The following CDKL5 variants were observed in gnomAD, a reference collection of about 807,000 sequenced individuals.
CDKL5 encodes cyclin-dependent kinase-like 5.
CDKL5 carries 8 observed loss-of-function variants against 61.7 expected under a neutral mutation model. The observed-to-expected ratio is 0.13, with a 90% CI of 0.08 to 0.23. The LOEUF (loss-of-function observed/expected upper bound fraction) is 0.23, where lower values mean the gene tolerates loss of function less well. CDKL5 is among the 10% of genes least tolerant of loss of function. CDKL5 has a pLI of 1.00. For missense variants in CDKL5, 440 were observed against 734.5 expected (o/e 0.60, Z 4.63); for synonymous variants, 275 against 272.3 (o/e 1.01, Z -0.10).
At position 18,628,609 on chromosome X, in the gene CDKL5, A is replaced by G; in HGVS notation, c.2735A>G (p.His912Arg). ...QLPGQMDPGW[H>R]VSSVTRSATE... ...CCAGGTCAGATGGATCCTGGTTGGC[A>G]TGTGTCCTCTGTGACCAGGAGTGCC... Residue 912 changes from histidine (H) to arginine (R), a missense_variant, in exon 18 of 18, where the codon CAT (histidine) becomes CGT (arginine). Physicochemically the swap from His to Arg is conservative, Grantham distance 29. This residue lies in a region of CDKL5 where 363 missense variants were observed against 516.3 expected (regional missense o/e 0.70). Coordinates refer to ENST00000623535, the MANE Select transcript of CDKL5 (RefSeq NM_001323289.2). 8.3e-7 allele frequency: 1 copy of G among 1,211,832 alleles called. No homozygotes were observed. Among genetic ancestry groups the G allele is most frequent in the Non-Finnish European group, 1.1e-6 (1 of 895,363 alleles).
At chrX:18,641,943 G>A, downstream of CDKL5, 1 of 1,107,651 alleles carries the variant, frequency 9.0e-7, no homozygotes, top group Non-Finnish European at 1.2e-6. Context: ...TGTGTGAGGG[G>A]GTCCCCTACG....
intron 1 of CDKL5, among the ~76,000 whole-genome samples, chrX:18,469,889 T>C (rs188978691): frequency 7.1e-5 from 8 of 112,209 alleles, no homozygotes; most frequent in East Asian, 5.5e-4. Flanking sequence ...AAATGACAAA[T>C]TGATTAAAAG....
chrX:18,453,264 GT>G (rs1233283091), intron 1 of CDKL5, among the ~76,000 whole-genome samples: 1 of 111,815 alleles, frequency 8.9e-6, no homozygotes, highest in African/African-American at 3.3e-5. Context: ...AAGGGGTACT[GT>G]TTCCTTTGAA....
chrX:18,628,732 A>G lies in CDKL5; in HGVS notation c.2858A>G (p.Asn953Ser). The change falls in exon 18 of 18, where the codon AAT (asparagine) becomes AGT (serine). Residue 953 changes from asparagine to serine, a missense_variant. Around this residue, in one of 2 missense-constraint regions of CDKL5, gnomAD observed 363 missense variants for 516.3 expected, o/e 0.70. Coordinates refer to ENST00000623535, the MANE Select transcript of CDKL5 (RefSeq NM_001323289.2). ...RTNRSRMPNL[N>S]DLKETAL Reference sequence around the variant, plus strand: ...AATCGCTCACGAATGCCAAATCTGAATGATTTAAAAGAGACAGCCTTGTAA... The same window carrying G: ...AATCGCTCACGAATGCCAAATCTGAGTGATTTAAAAGAGACAGCCTTGTAA... 2 of 971,938 alleles carry G rather than the reference A, an allele frequency of 2.1e-6. No individual in the cohort carries two copies. Among genetic ancestry groups the G allele is most frequent in the East Asian group, 7.1e-5 (1 of 14,047 alleles). The allele number at this position is 971,938 out of a possible 1,213,427, so 80.1% of individuals were successfully genotyped here.
chrX:18,499,069 C>G (rs1922286437), intron 1 of CDKL5, among the ~76,000 whole-genome samples: 1 of 111,907 alleles, frequency 8.9e-6, no homozygotes, highest in South Asian at 3.7e-4. Flanking sequence ...CTGTGCCCGG[C>G]CCTTGTAATT....
intron 3 of CDKL5, among the ~76,000 whole-genome samples, chrX:18,529,942 C>T (rs1328947017): frequency 9.0e-6 from 1 of 110,838 alleles, no homozygotes; most frequent in Non-Finnish European, 1.9e-5. Flanking sequence ...ATTTCTTCTC[C>T]CTTGTCTCAC....
chrX:18,631,390 C>T lies in CDKL5; in HGVS notation c.*2633C>T. 1.3e-6 allele frequency: 1 copy of T among 754,445 alleles called. No homozygotes were observed. Among genetic ancestry groups the T allele is most frequent in the Non-Finnish European group, 1.6e-6 (1 of 639,356 alleles). The allele number at this position is 754,445 out of a possible 1,213,427, so 62.2% of individuals were successfully genotyped here. On this transcript the variant is annotated 3_prime_UTR_variant, in exon 18 of 18. Coordinates refer to ENST00000623535, the MANE Select transcript of CDKL5 (RefSeq NM_001323289.2). ...TAAGCTGTAAGTGAACTACAATCTG[C>T]ATTTCCAGCATGCAATTCTCTTCCT...
At chrX:18,607,368 T>G (rs1482687562) in intron 12 of CDKL5, among the ~76,000 whole-genome samples, 1 of 112,040 alleles carries the variant, frequency 8.9e-6, no homozygotes, top group Admixed American at 9.5e-5. Flanking sequence ...GGCAGCTTCC[T>G]GCAGAGGAGA....
intron 1 of CDKL5, among the ~76,000 whole-genome samples, chrX:18,460,114 TG>T (rs760191460): frequency 9.0e-6 from 1 of 111,051 alleles, no homozygotes; most frequent in East Asian, 2.8e-4. Context: ...TTGGCCAGGA[TG>T]GTCTCGATCT....
intron 1 of CDKL5, among the ~76,000 whole-genome samples, chrX:18,430,546 C>T (rs141228497): frequency 1.8e-3 from 203 of 111,098 alleles, no homozygotes; most frequent in Middle Eastern, 4.7e-3. Flanking sequence ...TGGGTTCAAA[C>T]GATTCTCCTG....
chrX:18,493,238 T>C (rs1922055040), intron 1 of CDKL5, among the ~76,000 whole-genome samples: 1 of 112,284 alleles, frequency 8.9e-6, no homozygotes, highest in African/African-American at 3.2e-5. Flanking sequence ...ATCTCTTTCA[T>C]AGCACTAATA....
At chrX:18,504,967 T>C (rs1922526370) in intron 1 of CDKL5, among the ~76,000 whole-genome samples, 1 of 110,555 alleles carries the variant, frequency 9.0e-6, no homozygotes, top group Admixed American at 9.7e-5. Context: ...TCAGATTTTA[T>C]AGGCAGTAAG....
intron 3 of CDKL5, among the ~76,000 whole-genome samples, chrX:18,558,150 A>G (rs1184319143): frequency 9.0e-6 from 1 of 111,382 alleles, no homozygotes; most frequent in Non-Finnish European, 1.9e-5. Context: ...GGTAGAATTA[A>G]GGGTGAGGCA....
intron 1 of CDKL5, among the ~76,000 whole-genome samples, chrX:18,433,228 CAAAAAA>C (rs769632892): frequency 1.9e-4 from 17 of 87,618 alleles, no homozygotes; most frequent in African/African-American, 6.8e-4. Context: ...AACCCTGTCT[CAAAAAA>C]AAAAAAGAAA....
At chrX:18,491,539 C>T (rs1921994680) in intron 1 of CDKL5, among the ~76,000 whole-genome samples, 1 of 111,268 alleles carries the variant, frequency 9.0e-6, no homozygotes, top group Non-Finnish European at 1.9e-5. Context: ...CAAAGTTTAG[C>T]CTGGAAGCTC....
At position 18,447,346 on chromosome X, in the gene CDKL5, C is replaced by G. The variant is rs564306972; in HGVS notation, c.-163+21651C>G. 5.1e-4 allele frequency among the ~76,000 whole-genome samples: 57 copies of G among 111,472 alleles called. No homozygotes were observed. In the Middle Eastern group the frequency reaches 0.019, roughly 36 times the overall value. On this transcript the variant is annotated intron_variant, in intron 1 of 17. Coordinates refer to ENST00000623535, the MANE Select transcript of CDKL5 (RefSeq NM_001323289.2). Reference sequence around the variant, plus strand: ...TAAGATTCTCATCCTAGGAAACCTTCCCTGAACCACATGTCCAATCCTCTC... The same window carrying G: ...TAAGATTCTCATCCTAGGAAACCTTGCCTGAACCACATGTCCAATCCTCTC...
At chrX:18,641,952 C>T (rs1433549547), downstream of CDKL5, 91 of 1,197,272 alleles carry the variant, frequency 7.6e-5, no homozygotes, top group East Asian at 2.0e-3. Context: ...GGGTCCCCTA[C>T]GGCCCGCTCT....
Position 18,589,292 on chromosome X carries a change from C to G in CDKL5, c.744+1149C>G, listed in dbSNP as rs760058903. 2.7e-5 allele frequency: 3 copies of G among 109,735 alleles called. No individual in the cohort carries two copies. The East Asian group carries it at 8.6e-4, about 31-fold the overall frequency. 9.0% of individuals were successfully genotyped at this position (109,735 alleles called of 1,213,427 possible). A position where few individuals can be genotyped will look rare whatever the true frequency, so the allele number is the denominator to read the frequency against. ...ATCTCCTAATGCTATTTTCCCCCCTCCCCCAACCCCATGACAGGCCCCAGT... is the reference window on the plus strand; with the variant it reads ...ATCTCCTAATGCTATTTTCCCCCCTGCCCCAACCCCATGACAGGCCCCAGT... On this transcript the variant is annotated intron_variant, in intron 9 of 17. Coordinates refer to ENST00000623535, the MANE Select transcript of CDKL5 (RefSeq NM_001323289.2).
At chrX:18,473,130 A>C (rs1921163338) in intron 1 of CDKL5, among the ~76,000 whole-genome samples, 1 of 108,326 alleles carries the variant, frequency 9.2e-6, no homozygotes, top group Non-Finnish European at 1.9e-5. Flanking sequence ...TAATTTTTGT[A>C]TTTTTAGTAG....
Sources: gnomAD v4.1 joint callset for allele counts (sites outside exome capture counted in the v4.1 genomes callset) on GRCh38, gnomAD v4.1.1 for gene constraint, gnomAD v4.1.1 regional missense constraint, MANE v1.5 for transcripts, NCBI Gene and HGNC (gene_info 2026-07-23, HGNC 2026-07-21) for gene names.